EGR2: variants seen among roughly 807,000 people sequenced by gnomAD.
EGR2 encodes the protein E3 SUMO-protein ligase EGR2.
A neutral mutation model predicts 21.2 loss-of-function variants in EGR2; 2 were observed. The observed-to-expected ratio is 0.09, with a 90% CI of 0.04 to 0.30. EGR2 has a LOEUF of 0.30. Among genes scored for constraint, EGR2 ranks in the 10% least tolerant of loss-of-function variants. The probability of loss-of-function intolerance (pLI) is 1.00; values close to 1 mark genes in which losing one functional copy is unlikely to be tolerated. For missense variants in EGR2, 458 were observed against 630.2 expected (o/e 0.73, Z 2.93); for synonymous variants, 282 against 258.2 (o/e 1.09, Z -0.88).
chr10:62,815,342 G>A (rs992796784), intron 1 of EGR2, among the ~76,000 whole-genome samples: 5 of 152,210 alleles, frequency 3.3e-5, no homozygotes, highest in Admixed American at 6.5e-5. Flanking sequence ...CGCGGGCGGC[G>A]GGCAGGTGGG....
At chr10:62,816,942 C>T (rs1842285649), upstream of EGR2, among the ~76,000 whole-genome samples, 1 of 152,010 alleles carries the variant, frequency 6.6e-6, no homozygotes, top group African/African-American at 2.4e-5. Flanking sequence ...CTGCTTTTTT[C>T]TGAATTACTT....
chr10:62,816,869 C>G (rs1842283802), upstream of EGR2, among the ~76,000 whole-genome samples: 1 of 151,760 alleles, frequency 6.6e-6, no homozygotes, highest in African/African-American at 2.4e-5. Flanking sequence ...CTTGGCAGCT[C>G]AAAACCGCAA....
At chr10:62,817,325 C>T (rs971030424), upstream of EGR2, among the ~76,000 whole-genome samples, 2 of 152,268 alleles carry the variant, frequency 1.3e-5, no homozygotes, top group Middle Eastern at 6.8e-3. The surrounding 1 kb of genome is among the most constrained non-coding windows in gnomAD (Gnocchi z 4.4). Flanking sequence ...ACTCGCTCCA[C>T]TTCCGCTACA....
At chr10:62,817,693 C>T (rs1589084046), upstream of EGR2, among the ~76,000 whole-genome samples, 1 of 152,224 alleles carries the variant, frequency 6.6e-6, no homozygotes. The surrounding 1 kb of genome is among the most constrained non-coding windows in gnomAD (Gnocchi z 4.4). Flanking sequence ...ACTTTCAAGA[C>T]GCCATCCCCA....
chr10:62,814,969 C>T lies in EGR2; in HGVS notation c.170-501G>A, dbSNP rs1842222885. Among the ~76,000 whole-genome samples, 1 of 152,240 alleles carries T rather than the reference C, an allele frequency of 6.6e-6. No homozygotes were observed. Among genetic ancestry groups the T allele is most frequent in the Non-Finnish European group, 1.5e-5 (1 of 68,048 alleles). On this transcript the variant is annotated intron_variant, in intron 1 of 1. Coordinates refer to ENST00000242480, the MANE Select transcript of EGR2 (RefSeq NM_000399.5). The surrounding 1 kb of genome is among the most constrained non-coding windows in gnomAD (Gnocchi z 4.8). ...GTGATTTCCCGGCTGCTCCCCATCC[C>T]CGGCGCCTTGTGCCTTTTTCTCCCT...
intron 1 of EGR2, among the ~76,000 whole-genome samples, chr10:62,815,291 T>C (rs976318689): frequency 3.3e-5 from 5 of 152,136 alleles, no homozygotes; most frequent in African/African-American, 9.7e-5. Flanking sequence ...ACTCGCTGCC[T>C]CCGCCGGCCG....
rs1275161182 is a variant in EGR2, at chr10:62,813,903, G to A, written c.735C>T (p.Asp245=). Residue 245 remains aspartate, a synonymous_variant, in exon 2 of 2, where the codon GAC becomes GAT. Transcript: ENST00000242480. The surrounding 1 kb of genome is among the most constrained non-coding windows in gnomAD (Gnocchi z 5.7). ...CCAGTGGGCAGGGAAAGGGCTTACG[G>A]TCTGGGCCAGCTGTACCATGTAGGT... The part of the protein sequence containing the change: ...QRDLHGTAGP[D]RKPFPCPLDT... The A allele has an allele frequency of 7.4e-6, 12 of 1,614,100 alleles. No homozygotes were observed. Among genetic ancestry groups the A allele is most frequent in the Non-Finnish European group, 1.0e-5 (12 of 1,180,048 alleles).
In EGR2 at chr10:62,814,487, G is replaced by A. The variant is rs777521477; in HGVS notation, c.170-19C>T. On this transcript the variant is annotated intron_variant, in intron 1 of 1. Coordinates refer to ENST00000242480, the MANE Select transcript of EGR2 (RefSeq NM_000399.5). This position sits in a 1 kb window ranked among gnomAD's most constrained non-coding sequence, Gnocchi z 4.8. ...ATGCCATCTGGGGAGGGGAAAGGCA[G>A]AATGGAGGTGGAACAATGAAAATAC... 38 of 1,612,264 alleles carry A rather than the reference G, an allele frequency of 2.4e-5. No homozygotes were observed. Among genetic ancestry groups the A allele is most frequent in the Non-Finnish European group, 3.1e-5 (37 of 1,178,610 alleles).
In EGR2 at chr10:62,814,880, T is replaced by A. The variant is rs1842220491; in HGVS notation, c.170-412A>T. Among the ~76,000 whole-genome samples the A allele has an allele frequency of 6.6e-6, 1 of 152,104 alleles. No homozygotes were observed. Among genetic ancestry groups the A allele is most frequent in the Non-Finnish European group, 1.5e-5 (1 of 68,014 alleles). ...CACCAAGACAAACACCACCCAAGAA[T>A]CGACCTATCCCAGTCAGTGCCGTGA... On this transcript the variant is annotated intron_variant, in intron 1 of 1. Transcript: ENST00000242480. This position sits in a 1 kb window ranked among gnomAD's most constrained non-coding sequence, Gnocchi z 4.8.
chr10:62,818,971 T>C (rs1589084688), upstream of EGR2: 1 of 151,494 alleles, frequency 6.6e-6, no homozygotes, highest in South Asian at 2.1e-4. Context: ...CGGGGCGGGG[T>C]GCCTGAGCGA....
At chr10:62,815,633 C>T (rs1024259260) in intron 1 of EGR2, among the ~76,000 whole-genome samples, 2 of 152,202 alleles carry the variant, frequency 1.3e-5, no homozygotes, top group African/African-American at 4.8e-5. Flanking sequence ...CTGGGCGCGC[C>T]GGGGCGCACG....
intron 1 of EGR2, among the ~76,000 whole-genome samples, chr10:62,815,496 A>C (rs1842241678): frequency 6.6e-6 from 1 of 152,066 alleles, no homozygotes; most frequent in East Asian, 1.9e-4. Flanking sequence ...AGAGCCCCGA[A>C]CTTTACCGTC....
upstream of EGR2, among the ~76,000 whole-genome samples, chr10:62,818,078 C>T (rs1426457001): frequency 4.6e-5 from 7 of 152,260 alleles, no homozygotes; most frequent in Admixed American, 4.6e-4. Flanking sequence ...CCCGGAGCGG[C>T]CCTAGCTTAG....
rs1842137237 is a variant in EGR2 at position 62,812,565 on chromosome 10, A to G, written c.*642T>C. On this transcript the variant is annotated 3_prime_UTR_variant, in exon 2 of 2. Transcript: ENST00000242480. ...TCTCAAACAACTCGAAAAGGAGCAGATATTGCTATGTTCCTCCCATCACAT... is the reference window on the plus strand; with the variant it reads ...TCTCAAACAACTCGAAAAGGAGCAGGTATTGCTATGTTCCTCCCATCACAT... The G allele has an allele frequency of 6.5e-6, 1 of 152,800 alleles. No homozygotes were observed. Among genetic ancestry groups the G allele is most frequent in the Non-Finnish European group, 1.5e-5 (1 of 68,042 alleles). 9.5% of individuals were successfully genotyped at this position (152,800 alleles called of 1,614,324 possible).
Position 62,814,545 on chromosome 10 carries a change from A to C in EGR2, c.170-77T>G. 3 of 1,408,724 alleles carry C rather than the reference A, an allele frequency of 2.1e-6. No individual in the cohort carries two copies. The highest frequency in any genetic ancestry group is 3.6e-4 in the Middle Eastern group (2 of 5,516). 87.3% of individuals were successfully genotyped at this position (1,408,724 alleles called of 1,614,324 possible). A position where few individuals can be genotyped will look rare whatever the true frequency, so the allele number is the denominator to read the frequency against. ...ACTCCCTTCTCACCCCCGCTCACATAGGTCCATTTCCAAGGCCGAGAGTCT... is the reference window on the plus strand; with the variant it reads ...ACTCCCTTCTCACCCCCGCTCACATCGGTCCATTTCCAAGGCCGAGAGTCT... On this transcript the variant is annotated intron_variant, in intron 1 of 1. Transcript: ENST00000242480. The surrounding 1 kb of genome is among the most constrained non-coding windows in gnomAD (Gnocchi z 4.8).
chr10:62,818,656 G>C (rs1838312913), upstream of EGR2: 1 of 1,255,366 alleles, frequency 8.0e-7, no homozygotes, highest in Non-Finnish European at 1.0e-6. Flanking sequence ...CCCTGAGTCC[G>C]AAAGAACGGG....
chr10:62,817,749 C>A (rs1205022296), upstream of EGR2, among the ~76,000 whole-genome samples: 1 of 152,222 alleles, frequency 6.6e-6, no homozygotes. The surrounding 1 kb of genome is among the most constrained non-coding windows in gnomAD (Gnocchi z 4.4). Context: ...GGTAGAAACC[C>A]TTCTGTTTCG....
chr10:62,818,540 C>A (rs937680672), upstream of EGR2: 1 of 1,242,820 alleles, frequency 8.0e-7, no homozygotes, highest in Non-Finnish European at 1.0e-6. Context: ...TGCGTTCTTA[C>A]CACGTGCGCC....
upstream of EGR2, among the ~76,000 whole-genome samples, chr10:62,816,779 T>C (rs1236024915): frequency 6.6e-6 from 1 of 152,092 alleles, no homozygotes; most frequent in Non-Finnish European, 1.5e-5. Context: ...AGCCCTTGTT[T>C]GGGAGCCATT....
Sources: gnomAD v4.1 joint callset for allele counts (sites outside exome capture counted in the v4.1 genomes callset) on GRCh38, gnomAD v4.1.1 for gene constraint, Gnocchi (gnomAD v3.1) non-coding constraint, MANE v1.5 for transcripts, NCBI Gene and HGNC (gene_info 2026-07-23, HGNC 2026-07-21) for gene names.